The following RPTOR variants were observed in gnomAD, a reference collection of about 807,000 sequenced individuals.
The protein encoded by RPTOR is regulatory-associated protein of mTOR.
RPTOR carries 21 observed loss-of-function variants against 169.9 expected under a neutral mutation model. The observed-to-expected ratio is 0.12, with a 90% CI of 0.09 to 0.18. The LOEUF (loss-of-function observed/expected upper bound fraction) is 0.18, where lower values mean the gene tolerates loss of function less well. RPTOR is among the 10% of genes least tolerant of loss of function. The pLI is 1.00. For synonymous variants in RPTOR, 732 were observed against 753.2 expected (o/e 0.97, Z 0.46); for missense variants, 1,133 against 1,855.9 (o/e 0.61, Z 7.16).
In RPTOR at chr17:80,625,678, GT is replaced by G. The variant is rs11314825; in HGVS notation, c.163-11del. The G allele has an allele frequency of 4.4e-3, 6,792 of 1,549,812 alleles. 255 individuals carry two copies. In the African/African-American group the frequency reaches 0.08, roughly 18 times the overall value. The stretch of plus-strand genomic sequence containing the variant: ...TTGAAATATTTATTTATTTTTTTCT[GT>G]TGTGTTTTCAGATGAAGACAGTCAG... On this transcript the variant is annotated splice_polypyrimidine_tract_variant and intron_variant, in intron 1 of 33. Transcript: ENST00000306801.
chr17:80,708,119 A>T lies in RPTOR; in HGVS notation c.507+120A>T. The T allele has an allele frequency of 9.9e-7, 1 of 1,010,222 alleles. No homozygotes were observed. Among genetic ancestry groups the T allele is most frequent in the Non-Finnish European group, 1.4e-6 (1 of 702,234 alleles). The allele number at this position is 1,010,222 out of a possible 1,614,324, so 62.6% of individuals were successfully genotyped here. The stretch of plus-strand genomic sequence containing the variant: ...AGCCATTGATGTTTACTGTGTTTCA[A>T]CAAACCCAAATGCCATAACTGAACG... On this transcript the variant is annotated intron_variant, in intron 4 of 33. Coordinates refer to ENST00000306801, the MANE Select transcript of RPTOR (RefSeq NM_020761.3). This position sits in a 1 kb window ranked among gnomAD's most constrained non-coding sequence, Gnocchi z 4.2.
intron 3 of RPTOR, among the ~76,000 whole-genome samples, chr17:80,649,272 C>T (rs1407987194): frequency 3.3e-5 from 5 of 152,152 alleles, no homozygotes; most frequent in Non-Finnish European, 7.3e-5. Context: ...GGGGCATTCA[C>T]GTTGCGACAT....
In RPTOR at chr17:80,667,821, T is replaced by C. The variant is rs148720699; in HGVS notation, c.348+24011T>C. The stretch of plus-strand genomic sequence containing the variant: ...GTGAAATGAGTGGTGTAATTGTGAT[T>C]GTGATAATGCAGGTGACTGCTTTTC... On this transcript the variant is annotated intron_variant, in intron 3 of 33. Transcript: ENST00000306801. Among the ~76,000 whole-genome samples the C allele has an allele frequency of 9.1e-3, 1,379 of 152,298 alleles. 23 individuals carry two copies. Among genetic ancestry groups the C allele is most frequent in the African/African-American group, 0.031 (1,282 of 41,566 alleles).
chr17:80,856,014 A>G (rs761539274), intron 12 of RPTOR, among the ~76,000 whole-genome samples: 1 of 152,130 alleles, frequency 6.6e-6, no homozygotes, highest in Non-Finnish European at 1.5e-5. Flanking sequence ...GCAGAGTAGT[A>G]ATGGCCACTA....
At chr17:80,590,293 A>G (rs1395951752) in intron 1 of RPTOR, among the ~76,000 whole-genome samples, 1 of 142,022 alleles carries the variant, frequency 7.0e-6, no homozygotes, top group African/African-American at 2.7e-5. Context: ...AGTGTCTTTA[A>G]TGGTTGGGCC....
chr17:80,898,694 TC>T (rs1301614071), intron 20 of RPTOR, among the ~76,000 whole-genome samples: 3 of 31,914 alleles, frequency 9.4e-5, no homozygotes, highest in African/African-American at 3.7e-4. Context: ...CCGCCCCGAC[TC>T]CCCCCGCCCC....
At chr17:80,843,851 C>A (rs2143704002) in intron 10 of RPTOR, among the ~76,000 whole-genome samples, 1 of 152,314 alleles carries the variant, frequency 6.6e-6, no homozygotes, top group Middle Eastern at 3.4e-3. Context: ...CCGGCCTTCC[C>A]ATTTTCAGTC....
intron 1 of RPTOR, among the ~76,000 whole-genome samples, chr17:80,557,804 T>C (rs532570122): frequency 5.9e-5 from 9 of 151,910 alleles, no homozygotes; most frequent in Non-Finnish European, 1.2e-4. Flanking sequence ...CAGATGCCTG[T>C]AATCCCAGCT....
Position 80,609,660 on chromosome 17 carries a change from G to A in RPTOR, c.163-16031G>A, listed in dbSNP as rs893166370. Among the ~76,000 whole-genome samples, 1 of 152,030 alleles carries A rather than the reference G, an allele frequency of 6.6e-6. No homozygotes were observed. The highest frequency in any genetic ancestry group is 1.5e-5 in the Non-Finnish European group (1 of 68,000). On this transcript the variant is annotated intron_variant, in intron 1 of 33. Coordinates refer to ENST00000306801, the MANE Select transcript of RPTOR (RefSeq NM_020761.3). The surrounding 1 kb of genome is among the most constrained non-coding windows in gnomAD (Gnocchi z 4.8). ...CTCAGGAGGCTGAGGCATGAGAATC[G>A]CTTGAACCCAGGAGGTGGAGGTTGC...
chr17:80,674,141 C>T (rs1413733672), intron 3 of RPTOR, among the ~76,000 whole-genome samples: 3 of 152,194 alleles, frequency 2.0e-5, no homozygotes, highest in Admixed American at 6.5e-5. Flanking sequence ...TCAATTTTAG[C>T]GGAATTTGTG....
At chr17:80,882,675 G>C (rs2068198889) in intron 14 of RPTOR, among the ~76,000 whole-genome samples, 1 of 152,240 alleles carries the variant, frequency 6.6e-6, no homozygotes, top group Admixed American at 6.5e-5. Flanking sequence ...GGAACCAGGA[G>C]GGGAAAGCAA....
intron 1 of RPTOR, among the ~76,000 whole-genome samples, chr17:80,579,672 A>G (rs2064998121): frequency 6.6e-6 from 1 of 152,242 alleles, no homozygotes; most frequent in East Asian, 1.9e-4. Flanking sequence ...CCCAAGGACT[A>G]TTCTTTTAAA....
intron 5 of RPTOR, among the ~76,000 whole-genome samples, chr17:80,748,040 C>T (rs1312438817): frequency 1.1e-4 from 13 of 119,868 alleles, no homozygotes; most frequent in South Asian, 2.6e-4. Flanking sequence ...GTTTAGAGGC[C>T]GTGGCGGGAG....
chr17:80,922,436 G>A (rs1354905787), intron 21 of RPTOR, among the ~76,000 whole-genome samples: 1 of 152,196 alleles, frequency 6.6e-6, no homozygotes, highest in Non-Finnish European at 1.5e-5. Flanking sequence ...TTCAGGCCCT[G>A]ACCCCTCAGG....
intron 13 of RPTOR, among the ~76,000 whole-genome samples, chr17:80,879,361 G>A (rs2068159256): frequency 6.8e-6 from 1 of 147,986 alleles, no homozygotes; most frequent in Non-Finnish European, 1.5e-5. Context: ...GCCCCCGCCT[G>A]CCCTGCTCCT....
intron 7 of RPTOR, among the ~76,000 whole-genome samples, chr17:80,812,994 T>TC (rs961552152): frequency 7.2e-5 from 11 of 152,356 alleles, no homozygotes; most frequent in Non-Finnish European, 2.9e-5. Context: ...GCTCTCTTGT[T>TC]CCCGTTCCTG....
chr17:80,760,245 C>T (rs1052456413), intron 6 of RPTOR, among the ~76,000 whole-genome samples: 2 of 150,870 alleles, frequency 1.3e-5, no homozygotes, highest in South Asian at 4.2e-4. Flanking sequence ...GAAAGAGCCA[C>T]AGGCAATATA....
At chr17:80,743,791 C>CTACTAGCACTATCCTGGT (rs1567887299) in intron 5 of RPTOR, among the ~76,000 whole-genome samples, 1 of 63,408 alleles carries the variant, frequency 1.6e-5, no homozygotes, top group Non-Finnish European at 3.5e-5. Flanking sequence ...AGAGCCCTGG[C>CTACTAGCACTATCCTGGT]TACTAGCACA....
At chr17:80,941,766 G>A (rs1035418881) in intron 25 of RPTOR, 12 of 152,306 alleles carry the variant, frequency 7.9e-5, no homozygotes, top group African/African-American at 2.9e-4. Flanking sequence ...CCAAAGCCGA[G>A]GGCCCTGCCC....
Sources: allele counts gnomAD v4.1 joint callset (sites outside exome capture counted in the v4.1 genomes callset), GRCh38; gene constraint gnomAD v4.1.1; non-coding constraint Gnocchi (gnomAD v3.1); transcripts MANE v1.5; gene names NCBI Gene and HGNC (gene_info 2026-07-23, HGNC 2026-07-21).